The following INPP1 variants were observed in gnomAD, a reference collection of about 807,000 sequenced individuals.
The protein encoded by INPP1 is inositol polyphosphate-1-phosphatase, also known as inositol polyphosphate 1-phosphatase.
INPP1 carries 18 observed loss-of-function variants against 23.0 expected under a neutral mutation model. The ratio of observed to expected loss-of-function variants is 0.78; its 90% confidence interval spans 0.54 to 1.16. The LOEUF (loss-of-function observed/expected upper bound fraction) is 1.16, where lower values mean the gene tolerates loss of function less well. Among genes scored for constraint, INPP1 ranks in the 50% most tolerant of loss-of-function variants. The pLI is 0.00. For missense variants in INPP1, 448 were observed against 482.1 expected (o/e 0.93, Z 0.66); for synonymous variants, 164 against 176.3 (o/e 0.93, Z 0.55).
At chr2:190,351,423 C>A (rs1312825214) in intron 2 of INPP1, among the ~76,000 whole-genome samples, 1 of 152,234 alleles carries the variant, frequency 6.6e-6, no homozygotes, top group Non-Finnish European at 1.5e-5. Flanking sequence ...ACTCGTGTAA[C>A]CATCACTCAT....
At chr2:190,360,369 G>A in intron 3 of INPP1, 63 bp downstream of exon 3, 1 of 1,446,516 alleles carries the variant, frequency 6.9e-7, no homozygotes, top group Middle Eastern at 1.8e-4. Flanking sequence ...CTCCATCATA[G>A]AATAGCATGC....
intron 6 of INPP1, among the ~76,000 whole-genome samples, chr2:190,370,185 G>T (rs1258657871): frequency 1.3e-5 from 2 of 152,216 alleles, no homozygotes; most frequent in Non-Finnish European, 2.9e-5. Context: ...TTCAGAGTGA[G>T]ACTTTGTGGG....
In INPP1 at chr2:190,367,562, T is replaced by A. The variant is rs192503432; in HGVS notation, c.466+667T>A. Among the ~76,000 whole-genome samples the A allele has an allele frequency of 5.4e-3, 830 of 152,302 alleles. 4 individuals carry two copies. The highest frequency in any genetic ancestry group is 0.019 in the African/African-American group (774 of 41,544). ...CATTGTTTTGAAAATGTAACCCTTTTTTTTGAGACAGAGTCTCGTGTTGCA... is the reference window on the plus strand; with the variant it reads ...CATTGTTTTGAAAATGTAACCCTTTATTTTGAGACAGAGTCTCGTGTTGCA... On this transcript the variant is annotated intron_variant, in intron 5 of 6. Coordinates refer to ENST00000392329, the MANE Select transcript of INPP1 (RefSeq NM_001128928.2). The surrounding 1 kb of genome is among the most constrained non-coding windows in gnomAD (Gnocchi z 4.1).
chr2:190,360,399 T>C, intron 3 of INPP1, 93 bp downstream of exon 3: 1 of 981,868 alleles, frequency 1.0e-6, no homozygotes, highest in Non-Finnish European at 1.5e-6. Context: ...CTCACCCCTA[T>C]CAGTATACTA....
chr2:190,371,564 A>C lies in INPP1; in HGVS notation c.*162A>C. The stretch of plus-strand genomic sequence containing the variant: ...TATTCATAATAATGTTAATTTCAAT[A>C]AATGACATTCATGCAGCAATTATAT... On this transcript the variant is annotated 3_prime_UTR_variant, in exon 7 of 7. Coordinates refer to ENST00000392329, the MANE Select transcript of INPP1 (RefSeq NM_001128928.2). The surrounding 1 kb of genome is among the most constrained non-coding windows in gnomAD (Gnocchi z 5.3). 1 of 492,172 alleles carries C rather than the reference A, an allele frequency of 2.0e-6. No individual in the cohort carries two copies. The highest frequency in any genetic ancestry group is 3.1e-5 in the East Asian group (1 of 31,830). The allele number at this position is 492,172 out of a possible 1,614,324, so 30.5% of individuals were successfully genotyped here.
intron 6 of INPP1, 148 bp from the exon 7 acceptor site, chr2:190,370,696 C>T (rs1018502038): frequency 3.0e-6 from 2 of 664,284 alleles, no homozygotes; most frequent in Non-Finnish European, 5.2e-6. Context: ...AAACTAGCTA[C>T]CTGATATCTA....
rs1386245748 is a variant in INPP1 at position 190,346,000 on chromosome 2, T to TA, written c.-209+2044dup. On this transcript the variant is annotated intron_variant, in intron 1 of 6. Coordinates refer to ENST00000392329, the MANE Select transcript of INPP1 (RefSeq NM_001128928.2). The surrounding 1 kb of genome is among the most constrained non-coding windows in gnomAD (Gnocchi z 4.9). ...CAAAGCAAGACTTCATCTCAAAAAA[T>TA]AAAAATTAAGTTAAAATTAAAAAAA... is the stretch of plus-strand genomic sequence containing the variant. Among the ~76,000 whole-genome samples, 2 of 152,030 alleles carry TA rather than the reference T, an allele frequency of 1.3e-5. No individual in the cohort carries two copies. Among genetic ancestry groups the TA allele is most frequent in the Non-Finnish European group, 1.5e-5 (1 of 68,000 alleles).
intron 4 of INPP1, among the ~76,000 whole-genome samples, chr2:190,365,968 TCG>T (rs1383225842): frequency 6.0e-4 from 13 of 21,802 alleles, no homozygotes; most frequent in Non-Finnish European, 9.1e-4. Flanking sequence ...TTGCTCTCTC[TCG>T]CTCTCTCGCT....
chr2:190,359,895 C>T, intron 2 of INPP1, 144 bp from the exon 3 acceptor site: 1 of 544,682 alleles, frequency 1.8e-6, no homozygotes, highest in Non-Finnish European at 3.3e-6. Context: ...TAGAGTCTTC[C>T]ACACTGAGGA....
At chr2:190,359,342 T>G (rs1226263519) in intron 2 of INPP1, among the ~76,000 whole-genome samples, 2 of 151,542 alleles carry the variant, frequency 1.3e-5, no homozygotes, top group East Asian at 3.9e-4. Context: ...GTCTGGTACT[T>G]AGTACTTTAG....
At position 190,363,301 on chromosome 2, in the gene INPP1, C is replaced by T. The variant is rs1156960536; in HGVS notation, c.265+614C>T. Among the ~76,000 whole-genome samples, 3 of 152,122 alleles carry T rather than the reference C, an allele frequency of 2.0e-5. No homozygotes were observed. The highest frequency in any genetic ancestry group is 4.8e-5 in the African/African-American group (2 of 41,412). On this transcript the variant is annotated intron_variant, in intron 4 of 6. Transcript: ENST00000392329. The surrounding 1 kb of genome is among the most constrained non-coding windows in gnomAD (Gnocchi z 4.4). ...AGGCTGGAGTGCAGTGGCACAATCT[C>T]GGTTCACTGCAACCTCCACCTCCTG...
At chr2:190,365,861 CTCTG>C (rs1168764099) in intron 4 of INPP1, among the ~76,000 whole-genome samples, 2 of 21,666 alleles carry the variant, frequency 9.2e-5, no homozygotes, top group African/African-American at 6.6e-4. Flanking sequence ...CTCTCTCGCT[CTCTG>C]TCTCTCTTGC....
In INPP1 at chr2:190,360,178, G is replaced by A; in HGVS notation, c.76G>A (p.Glu26Lys). The A allele has an allele frequency of 6.2e-7, 1 of 1,614,212 alleles. No homozygotes were observed. Residue 26 changes from glutamate (E) to lysine (K), a missense_variant, in exon 3 of 7, where the codon GAA becomes AAA. By Grantham distance (56) the Glu-to-Lys change is moderately conservative. Coordinates refer to ENST00000392329, the MANE Select transcript of INPP1 (RefSeq NM_001128928.2). ...CATTGCCCGGGCGTGCAGACAGCAGGAAGCCCTCTTCCAGCTGCTGATCGA... is the reference window on the plus strand; with the variant it reads ...CATTGCCCGGGCGTGCAGACAGCAGAAAGCCCTCTTCCAGCTGCTGATCGA... ...ANIARACRQQ[E>K]ALFQLLIEEK...
In INPP1 at chr2:190,360,045, G is replaced by T; in HGVS notation, c.-58G>T. 6.5e-7 allele frequency: 1 copy of T among 1,548,070 alleles called. No homozygotes were observed. The highest frequency in any genetic ancestry group is 8.9e-7 in the Non-Finnish European group (1 of 1,123,124). Reference sequence around the variant, plus strand: ...CATTCTTGTATTTTTCCAGCTGACGGCCCAGAGGGTGGGTGCCAATTCCAC... The same window carrying T: ...CATTCTTGTATTTTTCCAGCTGACGTCCCAGAGGGTGGGTGCCAATTCCAC... On this transcript the variant is annotated 5_prime_UTR_variant, in exon 3 of 7. Coordinates refer to ENST00000392329, the MANE Select transcript of INPP1 (RefSeq NM_001128928.2).
intron 3 of INPP1, among the ~76,000 whole-genome samples, chr2:190,361,693 G>A (rs1689537259): frequency 1.3e-5 from 2 of 152,148 alleles, no homozygotes; most frequent in African/African-American, 2.4e-5. Context: ...ATTTCATGAG[G>A]CTTTTGTCTT....
chr2:190,356,351 A>C lies in INPP1; in HGVS notation c.-64-3688A>C, dbSNP rs1367609559. Among the ~76,000 whole-genome samples, 2 of 152,228 alleles carry C rather than the reference A, an allele frequency of 1.3e-5. No homozygotes were observed. The highest frequency in any genetic ancestry group is 2.9e-5 in the Non-Finnish European group (2 of 68,034). ...AAAAACCTGATTATTGTGTTATGAG[A>C]AATTCCTAAAATCGGTAGACCTGTT... is the stretch of plus-strand genomic sequence containing the variant. On this transcript the variant is annotated intron_variant, in intron 2 of 6. Transcript: ENST00000392329. This position sits in a 1 kb window ranked among gnomAD's most constrained non-coding sequence, Gnocchi z 6.4.
intron 1 of INPP1, among the ~76,000 whole-genome samples, chr2:190,344,739 G>A (rs1255667301): frequency 2.0e-5 from 3 of 152,154 alleles, no homozygotes; most frequent in South Asian, 2.1e-4. Flanking sequence ...CTTGTTTTTT[G>A]GAGATTTCTC....
At position 190,368,707 on chromosome 2, in the gene INPP1, C is replaced by CT. The variant is rs1276935369; in HGVS notation, c.467-387dup. The CT allele has an allele frequency of 5.9e-5, 9 of 152,560 alleles. No individual in the cohort carries two copies. Among genetic ancestry groups the CT allele is most frequent in the Non-Finnish European group, 7.3e-5 (5 of 68,686 alleles). The allele number at this position is 152,560 out of a possible 1,614,324, so 9.5% of individuals were successfully genotyped here. On this transcript the variant is annotated intron_variant, in intron 5 of 6. Transcript: ENST00000392329. This position sits in a 1 kb window ranked among gnomAD's most constrained non-coding sequence, Gnocchi z 4.3. The stretch of plus-strand genomic sequence containing the variant: ...CCTATTGTGCTATCAAATAGTAGGT[C>CT]TTTTTTTTTCACCCATTGGAAGGAG...
In INPP1 at chr2:190,364,597, T is replaced by TA. The variant is rs201819052; in HGVS notation, c.265+1910_265+1911insA. On this transcript the variant is annotated intron_variant, in intron 4 of 6. Coordinates refer to ENST00000392329, the MANE Select transcript of INPP1 (RefSeq NM_001128928.2). ...GTGGCATCTGAGGTTCTGATTTTTT[T>TA]TTTTTTTTTGTTAGATGGAGTCTCC... is the stretch of plus-strand genomic sequence containing the variant. Among the ~76,000 whole-genome samples, 775 of 91,336 alleles carry TA rather than the reference T, an allele frequency of 8.5e-3. 22 individuals carry two copies. The highest frequency in any genetic ancestry group is 0.037 in the African/African-American group (698 of 19,034). 59.9% of individuals were successfully genotyped at this position (91,336 alleles called of 152,430 possible). A position where few individuals can be genotyped will look rare whatever the true frequency, so the allele number is the denominator to read the frequency against.
Sources: gnomAD v4.1 joint callset for allele counts (sites outside exome capture counted in the v4.1 genomes callset) on GRCh38, gnomAD v4.1.1 for gene constraint, Gnocchi (gnomAD v3.1) non-coding constraint, MANE v1.5 for transcripts, NCBI Gene and HGNC (gene_info 2026-07-23, HGNC 2026-07-21) for gene names.